The following MAPK10 variants were observed in gnomAD, a reference collection of about 807,000 sequenced individuals.
MAPK10 encodes the protein mitogen-activated protein kinase 10.
A neutral mutation model predicts 59.3 loss-of-function variants in MAPK10; 25 were observed. That is an observed-to-expected ratio of 0.42 (90% confidence interval 0.31 to 0.59). The LOEUF (loss-of-function observed/expected upper bound fraction) is 0.59, where lower values mean the gene tolerates loss of function less well. Ranked by LOEUF, MAPK10 falls within the 20% of genes least tolerant of loss-of-function variation. The pLI, the probability that MAPK10 is intolerant of heterozygous loss-of-function variation, is 0.15. For synonymous variants in MAPK10, 190 were observed against 200.5 expected (o/e 0.95, Z 0.44); for missense variants, 351 against 568.9 (o/e 0.62, Z 3.90).
At chr4:86,439,608 C>A (rs368836561) in intron 1 of MAPK10, among the ~76,000 whole-genome samples, 3 of 152,106 alleles carry the variant, frequency 2.0e-5, no homozygotes, top group South Asian at 2.1e-4. Context: ...GGATAAATAC[C>A]TAAAGGTAGA....
In MAPK10 at chr4:86,255,236, C is replaced by T. The variant is rs115273375; in HGVS notation, c.-6-60829G>A. Among the ~76,000 whole-genome samples, 1,325 of 152,128 alleles carry T rather than the reference C, an allele frequency of 8.7e-3. 21 individuals carry two copies. Among genetic ancestry groups the T allele is most frequent in the African/African-American group, 0.03 (1,228 of 41,520 alleles). On this transcript the variant is annotated intron_variant, in intron 2 of 13. Transcript: ENST00000641462. ...CATCCAGTTTATCAACAGCAGTTCA[C>T]GGTGGGTTCTAAAATAAACTCACCT...
intron 1 of MAPK10, among the ~76,000 whole-genome samples, chr4:86,581,898 ATTAT>A (rs1258849505): frequency 1.7e-4 from 17 of 97,448 alleles, no homozygotes; most frequent in African/African-American, 2.4e-4. Flanking sequence ...AGCTATATAT[ATTAT>A]ATATATATAT....
At chr4:86,469,243 T>C (rs893197327) in intron 1 of MAPK10, among the ~76,000 whole-genome samples, 15 of 152,062 alleles carry the variant, frequency 9.9e-5, no homozygotes. Flanking sequence ...GCAAGTTTTT[T>C]GTCTCAAAAA....
intron 1 of MAPK10, among the ~76,000 whole-genome samples, chr4:86,559,539 A>C (rs1225707265): frequency 6.6e-6 from 1 of 152,218 alleles, no homozygotes; most frequent in African/African-American, 2.4e-5. Context: ...ATAAAATGCA[A>C]TGCAAAGATT....
intron 1 of MAPK10, among the ~76,000 whole-genome samples, chr4:86,548,201 G>A (rs574754031): frequency 6.6e-6 from 1 of 152,038 alleles, no homozygotes; most frequent in Non-Finnish European, 1.5e-5. Flanking sequence ...CCACCGGGAG[G>A]AACAAACAAC....
At chr4:86,154,662 G>A (rs2067256049) in intron 4 of MAPK10, among the ~76,000 whole-genome samples, 1 of 151,910 alleles carries the variant, frequency 6.6e-6, no homozygotes, top group African/African-American at 2.4e-5. Flanking sequence ...ACTCTCCTGA[G>A]TCCTATGAGA....
chr4:86,153,594 A>G (rs2066986513), intron 4 of MAPK10, among the ~76,000 whole-genome samples: 4 of 152,196 alleles, frequency 2.6e-5, no homozygotes, highest in Admixed American at 2.6e-4. Context: ...TGGGTATTAC[A>G]TATATGTATA....
rs116377204 is a variant in MAPK10 at position 86,194,868 on chromosome 4, G to A, written c.-6-461C>T. Among the ~76,000 whole-genome samples the A allele has an allele frequency of 3.5e-3, 538 of 151,918 alleles. 8 individuals carry two copies. The highest frequency in any genetic ancestry group is 0.012 in the African/African-American group (518 of 41,492). On this transcript the variant is annotated intron_variant, in intron 2 of 13. Transcript: ENST00000641462. ...ATTAGAGCTTACTGTATCAGTAATA[G>A]ATAAATTTTTCAAACATGATATTGA...
intron 13 of MAPK10, chr4:86,024,159 G>C (rs561841941): frequency 1.3e-5 from 2 of 152,054 alleles, no homozygotes; most frequent in Non-Finnish European, 1.5e-5. Flanking sequence ...ATAAGGGTGA[G>C]ATAAGTCTTA....
At chr4:86,177,117 CA>C (rs940737997) in intron 3 of MAPK10, among the ~76,000 whole-genome samples, 19 of 152,032 alleles carry the variant, frequency 1.2e-4, no homozygotes, top group African/African-American at 4.6e-4. Context: ...GTTCATATCT[CA>C]AAACCACAGC....
chr4:86,051,823 T>C (rs1461263041), intron 11 of MAPK10, among the ~76,000 whole-genome samples: 4 of 152,164 alleles, frequency 2.6e-5, no homozygotes, highest in Admixed American at 2.0e-4. Context: ...ATGCACAACA[T>C]AACCACCTTC....
At chr4:86,315,901 T>C (rs902981151) in intron 2 of MAPK10, among the ~76,000 whole-genome samples, 8 of 152,184 alleles carry the variant, frequency 5.3e-5, no homozygotes, top group African/African-American at 1.2e-4. Context: ...TTCTGAGATA[T>C]ATAGAAATAC....
At chr4:86,407,716 C>T (rs186031810) in intron 1 of MAPK10, among the ~76,000 whole-genome samples, 17 of 150,392 alleles carry the variant, frequency 1.1e-4, no homozygotes, top group African/African-American at 3.9e-4. Flanking sequence ...TAAAGTGATA[C>T]TAAAGTATAA....
At chr4:86,561,309 A>G (rs761867114) in intron 1 of MAPK10, among the ~76,000 whole-genome samples, 1 of 152,192 alleles carries the variant, frequency 6.6e-6, no homozygotes, top group Non-Finnish European at 1.5e-5. Context: ...GTTGCTGTGT[A>G]TTATAAGTTC....
intron 4 of MAPK10, among the ~76,000 whole-genome samples, chr4:86,153,880 C>G (rs2067058149): frequency 6.6e-6 from 1 of 152,046 alleles, no homozygotes; most frequent in African/African-American, 2.4e-5. Context: ...CTCAGTGTTC[C>G]TTATTTCAAG....
intron 9 of MAPK10, among the ~76,000 whole-genome samples, chr4:86,075,124 C>A (rs1279436466): frequency 9.9e-5 from 15 of 151,828 alleles, no homozygotes; most frequent in African/African-American, 3.6e-4. Context: ...AACTTCCCTT[C>A]TCGCTTCATT....
intron 1 of MAPK10, among the ~76,000 whole-genome samples, chr4:86,393,284 A>G (rs1426128509): frequency 1.3e-5 from 2 of 152,010 alleles, no homozygotes; most frequent in East Asian, 3.9e-4. Context: ...ATTTTTGGCC[A>G]TCTAAGTTCT....
chr4:86,111,818 G>T (rs2057530626), intron 4 of MAPK10, among the ~76,000 whole-genome samples: 2 of 152,042 alleles, frequency 1.3e-5, no homozygotes, highest in Admixed American at 6.6e-5. Flanking sequence ...GCTCCTCTTT[G>T]CCCCTCTGGT....
intron 11 of MAPK10, among the ~76,000 whole-genome samples, chr4:86,048,813 A>T (rs2042983449): frequency 6.6e-6 from 1 of 152,166 alleles, no homozygotes; most frequent in Non-Finnish European, 1.5e-5. Flanking sequence ...GTTGAAATGT[A>T]ATAATTTTTT....
Sources: allele counts gnomAD v4.1 joint callset (sites outside exome capture counted in the v4.1 genomes callset), GRCh38; gene constraint gnomAD v4.1.1; transcripts MANE v1.5; gene names NCBI Gene and HGNC (gene_info 2026-07-23, HGNC 2026-07-21).